ARHGAP15: variants seen among roughly 807,000 people sequenced by gnomAD.
ARHGAP15 encodes Rho GTPase activating protein 15.
ARHGAP15 carries 51 observed loss-of-function variants against 63.7 expected under a neutral mutation model. That is an observed-to-expected ratio of 0.80 (90% CI 0.64 to 1.01). The LOEUF (loss-of-function observed/expected upper bound fraction) is 1.01. ARHGAP15 is among the 50% of genes least tolerant of loss of function. The pLI, the probability that ARHGAP15 is intolerant of heterozygous loss-of-function variation, is 0.00. For synonymous variants in ARHGAP15, 191 were observed against 193.8 expected, an observed-to-expected ratio of 0.99 and a Z score of 0.12; for missense variants, 560 against 564.6, an observed-to-expected ratio of 0.99 and a Z score of 0.08.
chr2:143,234,619 T>A (rs1322831806), intron 5 of ARHGAP15, among the ~76,000 whole-genome samples: 1 of 152,182 alleles, frequency 6.6e-6, no homozygotes, highest in Non-Finnish European at 1.5e-5. Flanking sequence ...CAGTTTTTCT[T>A]ATTTTCTTAT....
At chr2:143,523,197 G>T (rs563023025) in intron 10 of ARHGAP15, among the ~76,000 whole-genome samples, 3 of 152,220 alleles carry the variant, frequency 2.0e-5, no homozygotes, top group Admixed American at 1.3e-4. Context: ...CATGTTACCA[G>T]CTGATAATAC....
At chr2:143,400,544 T>G (rs183675491) in intron 6 of ARHGAP15, among the ~76,000 whole-genome samples, 2 of 152,080 alleles carry the variant, frequency 1.3e-5, no homozygotes, top group Admixed American at 6.6e-5. Context: ...GCAAGTGCCA[T>G]GCAAATCCTC....
intron 6 of ARHGAP15, among the ~76,000 whole-genome samples, chr2:143,306,748 CA>C (rs1220880698): frequency 6.6e-6 from 1 of 152,114 alleles, no homozygotes; most frequent in Non-Finnish European, 1.5e-5. Flanking sequence ...TCAGTGGGAG[CA>C]GCCCTTGGAT....
chr2:143,394,243 C>T (rs1034846603), intron 6 of ARHGAP15, among the ~76,000 whole-genome samples: 5 of 152,158 alleles, frequency 3.3e-5, no homozygotes, highest in South Asian at 2.1e-4. Context: ...TGACTCTTAG[C>T]GATGAAAGCA....
At chr2:143,149,346 T>A (rs1186614755) in intron 1 of ARHGAP15, among the ~76,000 whole-genome samples, 1 of 151,992 alleles carries the variant, frequency 6.6e-6, no homozygotes, top group Non-Finnish European at 1.5e-5. Flanking sequence ...AAATGGGAAT[T>A]CCCTGGGTGT....
chr2:143,221,864 A>G (rs1040282139), intron 4 of ARHGAP15, among the ~76,000 whole-genome samples: 1 of 152,186 alleles, frequency 6.6e-6, no homozygotes, highest in Non-Finnish European at 1.5e-5. Flanking sequence ...GGTTACGTCT[A>G]CTAGTGCCTG....
chr2:143,419,812 G>A (rs1464853957), intron 6 of ARHGAP15, among the ~76,000 whole-genome samples: 1 of 152,062 alleles, frequency 6.6e-6, no homozygotes, highest in Non-Finnish European at 1.5e-5. Context: ...CTTCGAGTAT[G>A]CATTTATATT....
intron 6 of ARHGAP15, among the ~76,000 whole-genome samples, chr2:143,316,005 G>C (rs1163460241): frequency 6.6e-6 from 1 of 152,048 alleles, no homozygotes; most frequent in Admixed American, 6.5e-5. Flanking sequence ...AGAATTGCTT[G>C]AACCTGGGAG....
intron 6 of ARHGAP15, among the ~76,000 whole-genome samples, chr2:143,301,870 C>A (rs1028423207): frequency 6.6e-6 from 1 of 151,422 alleles, no homozygotes; most frequent in Non-Finnish European, 1.5e-5. Flanking sequence ...TATGGAGACA[C>A]ATATATATGG....
chr2:143,726,550 C>T (rs563310847), intron 13 of ARHGAP15, among the ~76,000 whole-genome samples: 1 of 152,312 alleles, frequency 6.6e-6, no homozygotes, highest in East Asian at 1.9e-4. Context: ...GCTTTAGAGG[C>T]ACCTAATTAA....
intron 2 of ARHGAP15, 71 bp from the exon 3 acceptor site, chr2:143,202,058 GTTATT>G: frequency 9.0e-7 from 1 of 1,106,350 alleles, no homozygotes; most frequent in African/African-American, 1.5e-5. Flanking sequence ...CACTGAATTG[GTTATT>G]TTATGTGTAT....
rs545265898 is a variant in ARHGAP15, at chr2:143,162,930, G to A, written c.165+7275G>A. Among the ~76,000 whole-genome samples, 27 of 152,106 alleles carry A rather than the reference G, an allele frequency of 1.8e-4. No homozygotes were observed. In the South Asian group the frequency reaches 5.2e-3, roughly 29 times the overall value. On this transcript the variant is annotated intron_variant, in intron 2 of 13. Coordinates refer to ENST00000295095, the MANE Select transcript of ARHGAP15 (RefSeq NM_018460.4). ...GCACTCACGAACAGGTAAAAGGCAAGCTAGAAAATGGTGTTTACCATTTAA... is the reference window on the plus strand; with the variant it reads ...GCACTCACGAACAGGTAAAAGGCAAACTAGAAAATGGTGTTTACCATTTAA...
chr2:143,324,835 T>G (rs1037183976), intron 6 of ARHGAP15, among the ~76,000 whole-genome samples: 7 of 152,250 alleles, frequency 4.6e-5, no homozygotes, highest in Non-Finnish European at 1.0e-4. Flanking sequence ...CTTGACATTT[T>G]GATGAATTTT....
chr2:143,563,406 T>C (rs1696104309), intron 11 of ARHGAP15, among the ~76,000 whole-genome samples: 2 of 152,234 alleles, frequency 1.3e-5, no homozygotes, highest in South Asian at 4.1e-4. Flanking sequence ...CTTTGGAAAC[T>C]CTTTACTATC....
intron 9 of ARHGAP15, among the ~76,000 whole-genome samples, chr2:143,508,456 C>T (rs988295351): frequency 3.5e-4 from 53 of 152,178 alleles, no homozygotes; most frequent in African/African-American, 1.3e-3. Context: ...TACATATAGA[C>T]TCTGTGAAGA....
At chr2:143,337,688 G>A (rs568732368) in intron 6 of ARHGAP15, among the ~76,000 whole-genome samples, 1 of 152,024 alleles carries the variant, frequency 6.6e-6, no homozygotes, top group African/African-American at 2.4e-5. Context: ...TTTATTTTCA[G>A]AATAACTCCA....
At chr2:143,354,961 C>T (rs1685744729) in intron 6 of ARHGAP15, among the ~76,000 whole-genome samples, 1 of 152,114 alleles carries the variant, frequency 6.6e-6, no homozygotes, top group Non-Finnish European at 1.5e-5. Flanking sequence ...TTTGAATAGT[C>T]AATATGTGAA....
chr2:143,445,780 ATAGT>A (rs1690108261), intron 8 of ARHGAP15, among the ~76,000 whole-genome samples: 1 of 152,130 alleles, frequency 6.6e-6, no homozygotes, highest in Non-Finnish European at 1.5e-5. Context: ...ACTGTGATTC[ATAGT>A]TATTCTTGCA....
At chr2:143,390,895 T>C (rs563286155) in intron 6 of ARHGAP15, among the ~76,000 whole-genome samples, 1 of 152,316 alleles carries the variant, frequency 6.6e-6, no homozygotes, top group Non-Finnish European at 1.5e-5. Flanking sequence ...TTCCTTGTTA[T>C]CAAATTTTAA....
Sources: gnomAD v4.1 joint callset for allele counts (sites outside exome capture counted in the v4.1 genomes callset) on GRCh38, gnomAD v4.1.1 for gene constraint, MANE v1.5 for transcripts, NCBI Gene and HGNC (gene_info 2026-07-23, HGNC 2026-07-21) for gene names.